The following ADAD1 variants were observed in gnomAD, a reference collection of about 807,000 sequenced individuals.
The protein encoded by ADAD1 is adenosine deaminase domain containing 1, also known as adenosine deaminase domain-containing protein 1.
In ADAD1, 46 loss-of-function variants were observed where a neutral mutation model predicts 66.8. That is an observed-to-expected ratio of 0.69 (90% CI 0.54 to 0.88). The LOEUF (loss-of-function observed/expected upper bound fraction) is 0.88, where lower values mean the gene tolerates loss of function less well. Ranked by LOEUF, ADAD1 falls within the 40% of genes least tolerant of loss-of-function variation. The probability of loss-of-function intolerance (pLI) is 0.00; values close to 1 mark genes in which losing one functional copy is unlikely to be tolerated. For missense variants in ADAD1, 617 were observed against 681.8 expected, an observed-to-expected ratio of 0.91 and a Z score of 1.06; for synonymous variants, 248 against 229.4, an observed-to-expected ratio of 1.08 and a Z score of -0.73.
chr4:122,386,048 A>C lies in ADAD1; in HGVS notation c.529+2082A>C, dbSNP rs557790152. Among the ~76,000 whole-genome samples, 21 of 152,112 alleles carry C rather than the reference A, an allele frequency of 1.4e-4. No individual in the cohort carries two copies. In the South Asian group the frequency reaches 2.5e-3, roughly 18 times the overall value. ...AGTAGAATGATTTATATTCCTTTGGATATATATCCAGTAATGGTATTGCTG... is the reference window on the plus strand; with the variant it reads ...AGTAGAATGATTTATATTCCTTTGGCTATATATCCAGTAATGGTATTGCTG... On this transcript the variant is annotated intron_variant, in intron 5 of 12. Coordinates refer to ENST00000296513, the MANE Select transcript of ADAD1 (RefSeq NM_139243.4).
intron 10 of ADAD1, among the ~76,000 whole-genome samples, chr4:122,413,034 A>G (rs1452783637): frequency 6.6e-6 from 1 of 152,136 alleles, no homozygotes; most frequent in Non-Finnish European, 1.5e-5. Flanking sequence ...TAAAGATGCC[A>G]TAAGTTGTAG....
intron 5 of ADAD1, among the ~76,000 whole-genome samples, chr4:122,390,889 T>TA (rs1269453923): frequency 2.6e-5 from 4 of 152,244 alleles, no homozygotes; most frequent in African/African-American, 7.2e-5. Flanking sequence ...TCCATTCAGT[T>TA]ATGTGCCCTT....
intron 6 of ADAD1, among the ~76,000 whole-genome samples, chr4:122,395,043 T>C (rs1795630931): frequency 6.6e-6 from 1 of 152,052 alleles, no homozygotes. Context: ...TATATATATG[T>C]GTGTGTGTAT....
intron 12 of ADAD1, among the ~76,000 whole-genome samples, chr4:122,427,712 C>T (rs958043322): frequency 2.8e-4 from 43 of 151,112 alleles, no homozygotes; most frequent in Non-Finnish European, 5.3e-4. Flanking sequence ...TTTTTTGTAT[C>T]TTTAGTAGAG....
intron 5 of ADAD1, among the ~76,000 whole-genome samples, chr4:122,389,665 C>G (rs923147095): frequency 5.9e-5 from 9 of 152,164 alleles, no homozygotes; most frequent in Non-Finnish European, 1.0e-4. Flanking sequence ...TTGTCAGAGA[C>G]TAGGATTGCA....
chr4:122,407,000 T>G (rs1796243679), intron 7 of ADAD1, among the ~76,000 whole-genome samples: 1 of 152,144 alleles, frequency 6.6e-6, no homozygotes, highest in Non-Finnish European at 1.5e-5. Context: ...TTGCTCAACA[T>G]TTTATTCCTA....
rs776546642 is a variant in ADAD1, at chr4:122,387,741, G to GT, written c.529+3787dup. 5.1e-3 allele frequency among the ~76,000 whole-genome samples: 728 copies of GT among 142,350 alleles called. 3 individuals are homozygous for GT. Among genetic ancestry groups the GT allele is most frequent in the African/African-American group, 0.012 (450 of 39,032 alleles). The allele number at this position is 142,350 out of a possible 152,430, so 93.4% of individuals were successfully genotyped here. A position where few individuals can be genotyped will look rare whatever the true frequency, so the allele number is the denominator to read the frequency against. On this transcript the variant is annotated intron_variant, in intron 5 of 12. Coordinates refer to ENST00000296513, the MANE Select transcript of ADAD1 (RefSeq NM_139243.4). ...CCATCAATACCTTATATATTGAGAG[G>GT]TTTTTTTTTTTTGTTTTTTGTTTTT...
Position 122,424,793 on chromosome 4 carries a change from T to TA in ADAD1, c.1617+3411dup, listed in dbSNP as rs80242378. ...CAAATGACAGATTGTCAGATTGGGT[T>TA]AAAAAAAAGCCTGATTCAAATATAT... On this transcript the variant is annotated intron_variant, in intron 12 of 12. Coordinates refer to ENST00000296513, the MANE Select transcript of ADAD1 (RefSeq NM_139243.4). Among the ~76,000 whole-genome samples, 8 of 151,744 alleles carry TA rather than the reference T, an allele frequency of 5.3e-5. No individual in the cohort carries two copies. In the East Asian group the frequency reaches 7.7e-4, roughly 15 times the overall value.
rs374662723 is a variant in ADAD1, at chr4:122,417,476, A to G, written c.1487+1860A>G. On this transcript the variant is annotated intron_variant, in intron 11 of 12. Transcript: ENST00000296513. ...ATTTATACGGAAGACAGAACAGTTA[A>G]GAATGTTTATGCAGAACGTGACATA... 2.6e-5 allele frequency among the ~76,000 whole-genome samples: 4 copies of G among 152,328 alleles called. No individual in the cohort carries two copies. The East Asian group carries it at 5.8e-4, about 22-fold the overall frequency.
intron 9 of ADAD1, 56 bp downstream of exon 9, chr4:122,411,448 C>G: frequency 1.3e-6 from 2 of 1,485,380 alleles, no homozygotes; most frequent in South Asian, 2.5e-5. Context: ...GCCATACATT[C>G]TGACTTTCTA....
intron 7 of ADAD1, among the ~76,000 whole-genome samples, chr4:122,401,300 A>G (rs1283772333): frequency 6.6e-6 from 1 of 152,058 alleles, no homozygotes; most frequent in Non-Finnish European, 1.5e-5. Flanking sequence ...ATACTTGTAT[A>G]GTTTTGAGTG....
At chr4:122,385,434 G>C (rs569193285) in intron 5 of ADAD1, among the ~76,000 whole-genome samples, 7 of 151,732 alleles carry the variant, frequency 4.6e-5, no homozygotes, top group Admixed American at 1.3e-4. Context: ...CACCACACCC[G>C]GCTAATTTTT....
rs143948164 is a variant in ADAD1 at position 122,388,892 on chromosome 4, T to C, written c.530-4697T>C. On this transcript the variant is annotated intron_variant, in intron 5 of 12. Transcript: ENST00000296513. Reference sequence around the variant, plus strand: ...TTCAGTTCTGCTCTGATCTTAGTTATTTCTTGTCTTCTGCTAGCTTTTGGA... The same window carrying C: ...TTCAGTTCTGCTCTGATCTTAGTTACTTCTTGTCTTCTGCTAGCTTTTGGA... Among the ~76,000 whole-genome samples, 1,159 of 152,284 alleles carry C rather than the reference T, an allele frequency of 7.6e-3. 12 individuals carry two copies. Among genetic ancestry groups the C allele is most frequent in the South Asian group, 0.028 (137 of 4,824 alleles).
At position 122,381,190 on chromosome 4, in the gene ADAD1, A is replaced by C; in HGVS notation, c.361+10A>C. 6.5e-7 allele frequency: 1 copy of C among 1,540,324 alleles called. No homozygotes were observed. Among genetic ancestry groups the C allele is most frequent in the Non-Finnish European group, 8.7e-7 (1 of 1,154,298 alleles). On this transcript the variant is annotated intron_variant, in intron 4 of 12. Transcript: ENST00000296513. ...GAAACTGTGACAACAGGCAAGTGTA[A>C]AATTGTATTTGTCTCAAAAACAAAA...
At chr4:122,392,091 C>G (rs1389526834) in intron 5 of ADAD1, among the ~76,000 whole-genome samples, 1 of 152,170 alleles carries the variant, frequency 6.6e-6, no homozygotes. Context: ...GCCTAATAAA[C>G]AGGATTTAAT....
At chr4:122,415,046 G>A (rs576641794) in intron 10 of ADAD1, among the ~76,000 whole-genome samples, 1 of 152,066 alleles carries the variant, frequency 6.6e-6, no homozygotes, top group Non-Finnish European at 1.5e-5. Context: ...CATACAATGC[G>A]GTCAACAAAT....
At chr4:122,407,079 CA>C (rs374579207) in intron 7 of ADAD1, among the ~76,000 whole-genome samples, 69 of 140,730 alleles carry the variant, frequency 4.9e-4, no homozygotes, top group Admixed American at 6.4e-4. Flanking sequence ...AGGTTGGTGC[CA>C]AAAAAAAAAA....
At chr4:122,389,235 A>T (rs993729100) in intron 5 of ADAD1, among the ~76,000 whole-genome samples, 3 of 150,942 alleles carry the variant, frequency 2.0e-5, no homozygotes, top group African/African-American at 7.3e-5. Context: ...AGAGACTGTT[A>T]GGATTTCAGT....
intron 8 of ADAD1, among the ~76,000 whole-genome samples, chr4:122,409,416 T>G (rs1299838723): frequency 6.6e-6 from 1 of 152,166 alleles, no homozygotes; most frequent in Non-Finnish European, 1.5e-5. Context: ...GGGTACATAG[T>G]GTATATGTTT....
Sources: allele counts gnomAD v4.1 joint callset (sites outside exome capture counted in the v4.1 genomes callset), GRCh38; gene constraint gnomAD v4.1.1; transcripts MANE v1.5; gene names NCBI Gene and HGNC (gene_info 2026-07-23, HGNC 2026-07-21).